RIMKLB: variants seen among roughly 807,000 people sequenced by gnomAD.
RIMKLB encodes the protein beta-citrylglutamate synthase B.
A neutral mutation model predicts 32.0 loss-of-function variants in RIMKLB; 7 were observed. The observed-to-expected ratio is 0.22, with a 90% CI of 0.12 to 0.41. The LOEUF (loss-of-function observed/expected upper bound fraction) is 0.41. Ranked by LOEUF, RIMKLB falls within the 10% of genes least tolerant of loss-of-function variation. RIMKLB has a pLI of 1.00. For missense variants in RIMKLB, 289 were observed against 498.7 expected, an observed-to-expected ratio of 0.58 and a Z score of 4.00; for synonymous variants, 172 against 185.1, an observed-to-expected ratio of 0.93 and a Z score of 0.57.
chr12:8,676,142 G>C, the RIMKLB span, among the ~76,000 whole-genome samples: 4 of 151,876 alleles, frequency 2.6e-5, no homozygotes, highest in African/African-American at 9.7e-5. Context: ...GCGTGATCTT[G>C]GCTCACTGCA....
chr12:8,781,568 C>T (rs1951046174), downstream of RIMKLB, among the ~76,000 whole-genome samples: 1 of 152,100 alleles, frequency 6.6e-6, no homozygotes, highest in South Asian at 2.1e-4. Flanking sequence ...TGGGCTTTTC[C>T]CCTGTTCCTC....
rs1024939356 is a variant in RIMKLB at position 8,771,165 on chromosome 12, T to A, written c.698-2156T>A. Among the ~76,000 whole-genome samples, 7 of 152,146 alleles carry A rather than the reference T, an allele frequency of 4.6e-5. No individual in the cohort carries two copies. In the East Asian group the frequency reaches 1.3e-3, roughly 29 times the overall value. ...AATTGATAACCATGTAAAAATGTAA[T>A]TGGACCAAAAGGGTATGATCTAACA... On this transcript the variant is annotated intron_variant, in intron 5 of 5. Transcript: ENST00000535829.
chr12:8,751,461 G>C (rs1198478002), intron 3 of RIMKLB, among the ~76,000 whole-genome samples: 1 of 152,164 alleles, frequency 6.6e-6, no homozygotes, highest in Non-Finnish European at 1.5e-5. Context: ...AGTTACCCTA[G>C]TGTAGAAAGA....
At chr12:8,689,873 T>TC (rs931256359) in intron 1 of RIMKLB, among the ~76,000 whole-genome samples, 11 of 151,944 alleles carry the variant, frequency 7.2e-5, no homozygotes, top group African/African-American at 2.7e-4. Context: ...CCTCTGTAAA[T>TC]CCCCCCTCTT....
chr12:8,739,934 G>T (rs1362391852), intron 2 of RIMKLB, among the ~76,000 whole-genome samples: 9 of 152,170 alleles, frequency 5.9e-5, no homozygotes, highest in African/African-American at 2.2e-4. Context: ...CCCAGACAGG[G>T]TCTCGCTCTG....
upstream of RIMKLB, chr12:8,697,888 G>C (rs911216381): frequency 6.8e-6 from 1 of 147,034 alleles, no homozygotes; most frequent in African/African-American, 2.4e-5. Context: ...GCCGGGGCGC[G>C]CGCCGCTCCT....
At chr12:8,736,213 T>A (rs1225380951) in intron 2 of RIMKLB, among the ~76,000 whole-genome samples, 2 of 152,212 alleles carry the variant, frequency 1.3e-5, no homozygotes, top group Non-Finnish European at 2.9e-5. Flanking sequence ...GTTTGGTGTC[T>A]GCTTGAAAAT....
intron 2 of RIMKLB, among the ~76,000 whole-genome samples, chr12:8,738,998 C>G (rs751890986): frequency 3.9e-5 from 6 of 152,288 alleles, no homozygotes; most frequent in African/African-American, 1.4e-4. Context: ...GAGGTTAACA[C>G]TTAGGATTCT....
At chr12:8,714,071 A>AT (rs774315853) in intron 2 of RIMKLB, 30 bp downstream of exon 2, 2 of 1,588,276 alleles carry the variant, frequency 1.3e-6, no homozygotes, top group Non-Finnish European at 1.7e-6. Context: ...GATCTTTTGG[A>AT]TTTTTACCTA....
intron 1 of RIMKLB, among the ~76,000 whole-genome samples, chr12:8,702,635 A>G (rs1460300782): frequency 1.3e-5 from 2 of 152,202 alleles, no homozygotes; most frequent in Non-Finnish European, 2.9e-5. Context: ...GGAGTATTTG[A>G]ATTTTTCATA....
At chr12:8,780,381 G>C (rs2138413906), downstream of RIMKLB, 2 of 152,270 alleles carry the variant, frequency 1.3e-5, 1 homozygote, top group Middle Eastern at 6.8e-3. Context: ...TCCCAGCTTA[G>C]CATGAACATG....
At chr12:8,763,016 C>G (rs1949661474) in intron 5 of RIMKLB, among the ~76,000 whole-genome samples, 1 of 152,136 alleles carries the variant, frequency 6.6e-6, no homozygotes, top group South Asian at 2.1e-4. Flanking sequence ...TTAATAGAGC[C>G]TGATATTTAA....
intron 5 of RIMKLB, among the ~76,000 whole-genome samples, chr12:8,758,640 G>A (rs925008687): frequency 2.0e-5 from 3 of 152,058 alleles, no homozygotes; most frequent in African/African-American, 7.2e-5. Flanking sequence ...GTCATGTTCA[G>A]TTCTTGAATA....
At chr12:8,734,878 C>T (rs887055500) in intron 2 of RIMKLB, among the ~76,000 whole-genome samples, 6 of 152,108 alleles carry the variant, frequency 3.9e-5, no homozygotes, top group African/African-American at 1.4e-4. Flanking sequence ...ATTCTATCTT[C>T]GATGTTCCAG....
chr12:8,703,431 G>A lies in RIMKLB; in HGVS notation c.-57+5134G>A, dbSNP rs118170629. ...TAGCCTTGAACTTCTAGGCTCAAGC[G>A]AACCCCCTGCCTCAGCCTCTTTAGT... On this transcript the variant is annotated intron_variant, in intron 1 of 5. Coordinates refer to ENST00000535829, the MANE Select transcript of RIMKLB (RefSeq NM_001297776.2). Among the ~76,000 whole-genome samples, 152 of 152,266 alleles carry A rather than the reference G, an allele frequency of 1.0e-3. 3 individuals carry two copies. In the East Asian group the frequency reaches 0.017, roughly 17 times the overall value.
intron 2 of RIMKLB, among the ~76,000 whole-genome samples, chr12:8,746,987 T>C (rs1485171583): frequency 6.6e-6 from 1 of 152,110 alleles, no homozygotes; most frequent in Admixed American, 6.6e-5. Context: ...GCAATCCTTT[T>C]CCCTCTGCTT....
chr12:8,777,914 T>C (rs765213417), downstream of RIMKLB: 1 of 180,960 alleles, frequency 5.5e-6, no homozygotes, highest in South Asian at 1.3e-4. Flanking sequence ...TAATTCTCAC[T>C]TAAAAATAAT....
Position 8,698,188 on chromosome 12 carries a change from CT to C in RIMKLB, c.-165del. The C allele has an allele frequency of 2.8e-6, 1 of 350,920 alleles. No individual in the cohort carries two copies. Among genetic ancestry groups the C allele is most frequent in the Non-Finnish European group, 5.8e-6 (1 of 173,014 alleles). The allele number at this position is 350,920 out of a possible 1,614,324, so 21.7% of individuals were successfully genotyped here. A position where few individuals can be genotyped will look rare whatever the true frequency, so the allele number is the denominator to read the frequency against. The stretch of plus-strand genomic sequence containing the variant: ...AGGCGGCTCCCGGTATCCCGACCCC[CT>C]CCCCCTCCTCTCCTTCCCCCACTTC... On this transcript the variant is annotated 5_prime_UTR_variant, in exon 1 of 6. Transcript: ENST00000535829.
intron 5 of RIMKLB, 113 bp from the exon 6 acceptor site, chr12:8,773,208 C>T (rs1397931714): frequency 9.7e-6 from 7 of 720,872 alleles, no homozygotes; most frequent in South Asian, 5.4e-5. Context: ...ACTAGAATAA[C>T]GCCTTTGTTT....
Sources: allele counts gnomAD v4.1 joint callset (sites outside exome capture counted in the v4.1 genomes callset), GRCh38; gene constraint gnomAD v4.1.1; transcripts MANE v1.5; gene names NCBI Gene and HGNC (gene_info 2026-07-23, HGNC 2026-07-21).